Variants in CDH8 observed in about 807,000 individuals in gnomAD.
CDH8 encodes cadherin-8.
A neutral mutation model predicts 68.1 loss-of-function variants in CDH8; 17 were observed. That is an observed-to-expected ratio of 0.25 (90% CI 0.17 to 0.37). CDH8 has a LOEUF of 0.37. Ranked by LOEUF, CDH8 falls within the 10% of genes least tolerant of loss-of-function variation. CDH8 has a pLI of 1.00. For synonymous variants in CDH8, 372 were observed against 365.1 expected (o/e 1.02, Z -0.21); for missense variants, 763 against 999.3 (o/e 0.76, Z 3.19).
chr16:61,838,952 T>C (rs1171944344), intron 4 of CDH8, among the ~76,000 whole-genome samples: 1 of 152,106 alleles, frequency 6.6e-6, no homozygotes, highest in East Asian at 1.9e-4. Context: ...CATGTAAGGT[T>C]GTCTGAAATA....
rs1036198730 is a variant in CDH8 at position 61,690,471 on chromosome 16, G to A, written c.1654+23370C>T. 1.4e-4 allele frequency among the ~76,000 whole-genome samples: 21 copies of A among 152,124 alleles called. 1 individual carries two copies. The highest frequency in any genetic ancestry group is 4.8e-4 in the African/African-American group (20 of 41,510). On this transcript the variant is annotated intron_variant, in intron 10 of 11. Coordinates refer to ENST00000577390, the MANE Select transcript of CDH8 (RefSeq NM_001796.5). ...TCACATGAGAAAAATGAGGTTTTAA[G>A]GAATATCATTTGTATCAATATGCAT...
chr16:61,655,176 G>GT (rs544150660), intron 11 of CDH8, among the ~76,000 whole-genome samples: 1 of 152,108 alleles, frequency 6.6e-6, no homozygotes, highest in Non-Finnish European at 1.5e-5. Context: ...GCACTAGATG[G>GT]TGTTGTAACG....
At chr16:61,836,634 G>C (rs542496210) in intron 4 of CDH8, among the ~76,000 whole-genome samples, 2 of 152,044 alleles carry the variant, frequency 1.3e-5, no homozygotes, top group South Asian at 4.2e-4. Context: ...CTTTGGCCAG[G>C]GAGGGAGTGT....
intron 8 of CDH8, among the ~76,000 whole-genome samples, chr16:61,739,458 G>T (rs1959797268): frequency 6.6e-6 from 1 of 151,800 alleles, no homozygotes; most frequent in Non-Finnish European, 1.5e-5. Context: ...TTTGAAGTTT[G>T]TCAGATCAAA....
chr16:61,683,263 C>A (rs1964045883), intron 10 of CDH8, among the ~76,000 whole-genome samples: 1 of 151,770 alleles, frequency 6.6e-6, no homozygotes, highest in African/African-American at 2.4e-5. Flanking sequence ...TGATAGGATA[C>A]CCCCCATAGG....
intron 2 of CDH8, among the ~76,000 whole-genome samples, chr16:62,003,686 G>A (rs369747287): frequency 6.6e-6 from 1 of 152,064 alleles, no homozygotes. Flanking sequence ...GAGGGTGGAG[G>A]TTCAAAGTTG....
intron 10 of CDH8, chr16:61,711,521 A>AT: frequency 6.6e-6 from 1 of 151,748 alleles, no homozygotes; most frequent in East Asian, 1.9e-4. Flanking sequence ...TATATCCAAC[A>AT]TTTTTTACAG....
Position 61,652,771 on chromosome 16 carries a change from G to T in CDH8, c.*837C>A. ...ACATCAATAAAATATTTATTTCGAG[G>T]ATTAAACAAATAAATTCACGCGCTA... On this transcript the variant is annotated 3_prime_UTR_variant, in exon 12 of 12. Coordinates refer to ENST00000577390, the MANE Select transcript of CDH8 (RefSeq NM_001796.5). 1 of 1,329,020 alleles carries T rather than the reference G, an allele frequency of 7.5e-7. No individual in the cohort carries two copies. The highest frequency in any genetic ancestry group is 9.6e-7 in the Non-Finnish European group (1 of 1,038,350). The allele number at this position is 1,329,020 out of a possible 1,614,324, so 82.3% of individuals were successfully genotyped here.
chr16:61,997,695 T>C (rs1965828424), intron 2 of CDH8, among the ~76,000 whole-genome samples: 1 of 152,146 alleles, frequency 6.6e-6, no homozygotes, highest in Admixed American at 6.5e-5. Context: ...ATCATCAATA[T>C]TGAGATAAAC....
intron 3 of CDH8, among the ~76,000 whole-genome samples, chr16:61,884,279 C>T (rs141384674): frequency 6.6e-6 from 1 of 152,264 alleles, no homozygotes; most frequent in East Asian, 1.9e-4. Context: ...CCTCCTCCTT[C>T]TCAGCCTACT....
intron 2 of CDH8, among the ~76,000 whole-genome samples, chr16:61,932,360 A>T (rs1193720934): frequency 6.6e-6 from 1 of 152,228 alleles, no homozygotes; most frequent in African/African-American, 2.4e-5. Context: ...TAATTCAAAG[A>T]TTTTGAATAG....
intron 9 of CDH8, among the ~76,000 whole-genome samples, chr16:61,720,083 A>T (rs1422762474): frequency 1.3e-5 from 2 of 150,952 alleles, no homozygotes; most frequent in African/African-American, 4.8e-5. Flanking sequence ...ACTCACTTTG[A>T]ATAATGCTAT....
intron 2 of CDH8, among the ~76,000 whole-genome samples, chr16:61,903,504 T>C (rs562649125): frequency 2.0e-5 from 3 of 152,178 alleles, no homozygotes; most frequent in South Asian, 4.2e-4. Flanking sequence ...TTTGTATTTT[T>C]AGTAGAGACA....
chr16:61,682,866 A>G (rs1181598067), intron 10 of CDH8, among the ~76,000 whole-genome samples: 1 of 151,898 alleles, frequency 6.6e-6, no homozygotes, highest in Non-Finnish European at 1.5e-5. Flanking sequence ...ATTCCCAACC[A>G]ATAACTAGTT....
Position 61,653,811 on chromosome 16 carries a change from C to A in CDH8, c.2197G>T (p.Asp733Tyr), listed in dbSNP as rs762007207. The A allele has an allele frequency of 6.2e-7, 1 of 1,614,210 alleles. No homozygotes were observed. Among genetic ancestry groups the A allele is most frequent in the Middle Eastern group, 1.7e-4 (1 of 6,060 alleles). Residue 733 changes from aspartate (D) to tyrosine (Y), a missense_variant, in exon 12 of 12, where the codon GAT (aspartate) becomes TAT (tyrosine). Asp to Tyr is a radical substitution (Grantham distance 160). Transcript: ENST00000577390. The stretch of plus-strand genomic sequence containing the variant: ...TATGGCGGGGCCGTGGGATCATTAT[C>A]TGCCTCATGCAGCCTTACATTTATA... ...EFINVRLHEA[D>Y]NDPTAPPYDS...
rs1959216476 is a variant in CDH8 at position 61,721,416 on chromosome 16, A to G, written c.1536+5678T>C. Among the ~76,000 whole-genome samples, 5 of 150,994 alleles carry G rather than the reference A, an allele frequency of 3.3e-5. No homozygotes were observed. In the Admixed American group the frequency reaches 3.3e-4, roughly 10 times the overall value. On this transcript the variant is annotated intron_variant, in intron 9 of 11. Transcript: ENST00000577390. ...AGCTAAAATTAAATCTCTTATATTT[A>G]TTATTTCATGAGTGTTATAAAGTGC... is the stretch of plus-strand genomic sequence containing the variant.
At chr16:61,964,535 T>A (rs1403594053) in intron 2 of CDH8, among the ~76,000 whole-genome samples, 1 of 69,810 alleles carries the variant, frequency 1.4e-5, no homozygotes, top group Non-Finnish European at 3.4e-5. Context: ...AGCTGAGAGA[T>A]TTTTTTTTTT....
At chr16:61,975,095 C>G (rs1287591399) in intron 2 of CDH8, among the ~76,000 whole-genome samples, 1 of 151,966 alleles carries the variant, frequency 6.6e-6, no homozygotes. Context: ...AAGTGTGGTA[C>G]AAAGAATTTC....
chr16:62,005,207 CTT>C (rs1965954349), intron 2 of CDH8, among the ~76,000 whole-genome samples: 1 of 152,330 alleles, frequency 6.6e-6, no homozygotes, highest in East Asian at 1.9e-4. Context: ...ACTGTGCTAA[CTT>C]TTCTCACCCA....
Sources: allele counts gnomAD v4.1 joint callset (sites outside exome capture counted in the v4.1 genomes callset), GRCh38; gene constraint gnomAD v4.1.1; transcripts MANE v1.5; gene names NCBI Gene and HGNC (gene_info 2026-07-23, HGNC 2026-07-21).